The following RNF175 variants were observed in gnomAD, a reference collection of about 807,000 sequenced individuals.
RNF175 encodes ring finger protein 175.
In RNF175, 38 loss-of-function variants were observed where a neutral mutation model predicts 50.0. That is an observed-to-expected ratio of 0.76 (90% CI 0.59 to 1.00). The LOEUF is 1.00. Ranked by LOEUF, RNF175 falls within the 50% of genes least tolerant of loss-of-function variation. RNF175 has a pLI of 0.00. For missense variants in RNF175, 388 were observed against 409.6 expected (o/e 0.95, Z 0.46); for synonymous variants, 155 against 146.1 (o/e 1.06, Z -0.44).
At chr4:153,719,707 C>G (rs2127101117) in intron 6 of RNF175, among the ~76,000 whole-genome samples, 1 of 152,298 alleles carries the variant, frequency 6.6e-6, no homozygotes, top group Non-Finnish European at 1.5e-5. Flanking sequence ...TCTACTTCTT[C>G]AGATGCTATA....
At chr4:153,753,967 G>C (rs1180220013) in intron 1 of RNF175, among the ~76,000 whole-genome samples, 1 of 150,920 alleles carries the variant, frequency 6.6e-6, no homozygotes, top group Admixed American at 6.6e-5. Flanking sequence ...TCAGGAGATA[G>C]AGACCATCCT....
At chr4:153,748,829 T>A in intron 2 of RNF175, 43 bp from the exon 3 acceptor site, 1 of 1,531,434 alleles carries the variant, frequency 6.5e-7, no homozygotes. Flanking sequence ...GCCCTCAACC[T>A]TGCGCATTTA....
chr4:153,746,907 A>C (rs930081721), intron 3 of RNF175, among the ~76,000 whole-genome samples: 2 of 152,206 alleles, frequency 1.3e-5, no homozygotes, highest in African/African-American at 4.8e-5. Flanking sequence ...CAACGTTTAT[A>C]GCTTGTACCT....
intron 6 of RNF175, among the ~76,000 whole-genome samples, chr4:153,718,371 C>A (rs762757323): frequency 2.0e-4 from 31 of 151,602 alleles, no homozygotes; most frequent in Non-Finnish European, 3.4e-4. Context: ...AGCACATGCA[C>A]AAGTGTCTGT....
At position 153,728,440 on chromosome 4, in the gene RNF175, G is replaced by C. The variant is rs567195491; in HGVS notation, c.247-79C>G. Reference sequence around the variant, plus strand: ...ATCTCCACTATTAAATGAGTCTGAAGCATTGCTGGGAGAACCACCTTCACC... The same window carrying C: ...ATCTCCACTATTAAATGAGTCTGAACCATTGCTGGGAGAACCACCTTCACC... On this transcript the variant is annotated intron_variant, in intron 3 of 8. Transcript: ENST00000347063. The C allele has an allele frequency of 3.5e-5, 43 of 1,232,908 alleles. No homozygotes were observed. The East Asian group carries it at 9.8e-4, about 28-fold the overall frequency. The allele number at this position is 1,232,908 out of a possible 1,614,324, so 76.4% of individuals were successfully genotyped here.
rs1378372954 is a variant in RNF175, at chr4:153,734,565, T to A, written c.247-6204A>T. 2.0e-5 allele frequency among the ~76,000 whole-genome samples: 3 copies of A among 152,176 alleles called. No homozygotes were observed. The East Asian group carries it at 5.8e-4, about 29-fold the overall frequency. ...ATCTTTTGCCATTTTTAATGAGTTG[T>A]TTTCTCGTGGTTGAGTTTTAAGTAT... On this transcript the variant is annotated intron_variant, in intron 3 of 8. Transcript: ENST00000347063.
At position 153,753,129 on chromosome 4, in the gene RNF175, T is replaced by G. The variant is rs113607590; in HGVS notation, c.67-1654A>C. 9.3e-4 allele frequency among the ~76,000 whole-genome samples: 142 copies of G among 152,252 alleles called. 2 individuals are homozygous for G. The highest frequency in any genetic ancestry group is 3.3e-3 in the African/African-American group (136 of 41,550). The stretch of plus-strand genomic sequence containing the variant: ...CAGATGGGCCAGCGGAAAGGGACAC[T>G]GGGACACCACAGGGCAAAAGACACC... On this transcript the variant is annotated intron_variant, in intron 1 of 8. Coordinates refer to ENST00000347063, the MANE Select transcript of RNF175 (RefSeq NM_173662.4).
At chr4:153,750,467 A>T (rs1022897160) in intron 2 of RNF175, among the ~76,000 whole-genome samples, 2 of 152,206 alleles carry the variant, frequency 1.3e-5, no homozygotes, top group Non-Finnish European at 2.9e-5. Context: ...GCTCAAGTTC[A>T]GTTTCTTTGA....
chr4:153,750,780 T>C (rs1363680959), intron 2 of RNF175, among the ~76,000 whole-genome samples: 2 of 151,960 alleles, frequency 1.3e-5, no homozygotes, highest in Non-Finnish European at 1.5e-5. Flanking sequence ...TAATATTCTA[T>C]ATAATTAACA....
intron 3 of RNF175, among the ~76,000 whole-genome samples, chr4:153,740,355 G>A (rs947556409): frequency 1.3e-4 from 20 of 151,966 alleles, no homozygotes; most frequent in Admixed American, 1.2e-3. Flanking sequence ...TATTTATGAA[G>A]TACAATGTGA....
intron 3 of RNF175, among the ~76,000 whole-genome samples, chr4:153,731,898 A>G (rs1024568065): frequency 6.6e-6 from 1 of 152,098 alleles, no homozygotes; most frequent in African/African-American, 2.4e-5. Context: ...TGCTATTAGT[A>G]AAAGACAATG....
Position 153,717,250 on chromosome 4 carries a change from C to G in RNF175, c.631-1588G>C, listed in dbSNP as rs568048655. ...TGGCTCCTGTGTCTCTTTGACATAT[C>G]CCCAATCACTGTGGAGTTCTTTTGT... is the stretch of plus-strand genomic sequence containing the variant. On this transcript the variant is annotated intron_variant, in intron 6 of 8. Coordinates refer to ENST00000347063, the MANE Select transcript of RNF175 (RefSeq NM_173662.4). 3.3e-5 allele frequency among the ~76,000 whole-genome samples: 5 copies of G among 151,276 alleles called. No individual in the cohort carries two copies. The South Asian group carries it at 1.0e-3, about 31-fold the overall frequency.
At chr4:153,730,300 G>A (rs967325578) in intron 3 of RNF175, among the ~76,000 whole-genome samples, 5 of 152,120 alleles carry the variant, frequency 3.3e-5, no homozygotes, top group African/African-American at 9.7e-5. Flanking sequence ...GCCAGACGTG[G>A]TGGTATGTGC....
At chr4:153,736,657 G>A (rs571480846) in intron 3 of RNF175, among the ~76,000 whole-genome samples, 1 of 152,204 alleles carries the variant, frequency 6.6e-6, no homozygotes, top group African/African-American at 2.4e-5. Context: ...TTCTTTTTTG[G>A]AAGGTTATTA....
At chr4:153,715,455 C>CAGGAGGAGG (rs758426305) in intron 7 of RNF175, 74 bp downstream of exon 7, 6 of 1,403,300 alleles carry the variant, frequency 4.3e-6, no homozygotes, top group South Asian at 2.5e-5. Flanking sequence ...GAGATGGGGA[C>CAGGAGGAGG]AGGAGGAGGA....
intron 3 of RNF175, among the ~76,000 whole-genome samples, chr4:153,734,026 T>C (rs973959424): frequency 1.3e-5 from 2 of 152,240 alleles, no homozygotes; most frequent in Admixed American, 6.5e-5. Flanking sequence ...TGTTTTTTCA[T>C]GACACAATAG....
chr4:153,733,665 T>G (rs906428109), intron 3 of RNF175, among the ~76,000 whole-genome samples: 2 of 152,224 alleles, frequency 1.3e-5, no homozygotes, highest in African/African-American at 4.8e-5. Context: ...ATATTTTTAA[T>G]GCAGTTAGAT....
At position 153,741,517 on chromosome 4, in the gene RNF175, T is replaced by C. The variant is rs528589727; in HGVS notation, c.246+7128A>G. On this transcript the variant is annotated intron_variant, in intron 3 of 8. Transcript: ENST00000347063. ...AGTTACTACATTTGATATGGCATTGTCGCTTCTGCTTTCAGGAAGGAGATC... is the reference window on the plus strand; with the variant it reads ...AGTTACTACATTTGATATGGCATTGCCGCTTCTGCTTTCAGGAAGGAGATC... 5.3e-5 allele frequency among the ~76,000 whole-genome samples: 8 copies of C among 152,370 alleles called. No individual in the cohort carries two copies. The South Asian group carries it at 1.7e-3, about 32-fold the overall frequency.
At chr4:153,734,706 C>A (rs528738605) in intron 3 of RNF175, among the ~76,000 whole-genome samples, 2 of 126,594 alleles carry the variant, frequency 1.6e-5, no homozygotes, top group Middle Eastern at 5.9e-3. Flanking sequence ...GATGTTGTCC[C>A]GCTCTGTCGC....
Sources: allele counts gnomAD v4.1 joint callset (sites outside exome capture counted in the v4.1 genomes callset), GRCh38; gene constraint gnomAD v4.1.1; transcripts MANE v1.5; gene names NCBI Gene and HGNC (gene_info 2026-07-23, HGNC 2026-07-21).